The following FRMD6 variants were observed in gnomAD, a reference collection of about 807,000 sequenced individuals.
The protein encoded by FRMD6 is FERM domain-containing protein 6.
A neutral mutation model predicts 73.2 loss-of-function variants in FRMD6; 37 were observed. The ratio of observed to expected loss-of-function variants is 0.51; its 90% confidence interval spans 0.39 to 0.66. The LOEUF is 0.66. Ranked by LOEUF, FRMD6 falls within the 30% of genes least tolerant of loss-of-function variation. The pLI, the probability that FRMD6 is intolerant of heterozygous loss-of-function variation, is 0.00. For missense variants in FRMD6, 714 were observed against 780.5 expected, an observed-to-expected ratio of 0.91 and a Z score of 1.02; for synonymous variants, 273 against 282.2, an observed-to-expected ratio of 0.97 and a Z score of 0.33.
chr14:51,568,846 T>A lies in FRMD6; in HGVS notation c.-209-1502T>A, dbSNP rs961909392. Among the ~76,000 whole-genome samples the A allele has an allele frequency of 7.0e-5, 7 of 99,620 alleles. No homozygotes were observed. In the South Asian group the frequency reaches 2.1e-3, roughly 29 times the overall value. The allele number at this position is 99,620 out of a possible 152,430, so 65.4% of individuals were successfully genotyped here. ...ATAAAATATCCAGAAAGGCTTTTAC[T>A]TTTTTTTTTTTTTTTTGAGATGGAG... On this transcript the variant is annotated intron_variant, in intron 1 of 14. Coordinates refer to the FRMD6 transcript ENST00000356218.
the FRMD6 span, among the ~76,000 whole-genome samples, chr14:51,455,019 A>C: frequency 2.0e-5 from 3 of 152,214 alleles, no homozygotes; most frequent in African/African-American, 7.2e-5. Context: ...AGAATTTCCC[A>C]AACTGTGTTC....
chr14:51,525,501 T>G (rs1162242165), intron 1 of FRMD6, among the ~76,000 whole-genome samples: 1 of 151,900 alleles, frequency 6.6e-6, no homozygotes, highest in African/African-American at 2.4e-5. Flanking sequence ...TCTGCTGACC[T>G]TGTGATCCGC....
At chr14:51,474,454 G>A in the FRMD6 span, among the ~76,000 whole-genome samples, 1 of 152,200 alleles carries the variant, frequency 6.6e-6, no homozygotes, top group African/African-American at 2.4e-5. Context: ...CCTAGGCAGT[G>A]CATCTGAAAT....
chr14:51,644,736 C>G (rs1020624487), intron 2 of FRMD6, among the ~76,000 whole-genome samples: 2 of 152,184 alleles, frequency 1.3e-5, no homozygotes, highest in Admixed American at 1.3e-4. Flanking sequence ...CCAATATGGA[C>G]TATTTGCAGA....
the FRMD6 span, among the ~76,000 whole-genome samples, chr14:51,472,279 A>G: frequency 5.3e-5 from 8 of 151,888 alleles, no homozygotes; most frequent in East Asian, 1.9e-4. Context: ...CTCTGGCTCA[A>G]TTGCTGAAGG....
chr14:51,557,239 A>G (rs1887183816), intron 1 of FRMD6, among the ~76,000 whole-genome samples: 2 of 120,494 alleles, frequency 1.7e-5, no homozygotes, highest in African/African-American at 3.7e-5. Context: ...GGATGAGAAA[A>G]TGTGACATAT....
At position 51,568,878 on chromosome 14, in the gene FRMD6, C is replaced by T. The variant is rs562160873; in HGVS notation, c.-209-1470C>T. ...TTTTTTTTTTGAGATGGAGTTTTGC[C>T]CCTGTTGCCCAAACTGTAGTGCAAT... is the stretch of plus-strand genomic sequence containing the variant. On this transcript the variant is annotated intron_variant, in intron 1 of 14. Transcript: ENST00000356218. Among the ~76,000 whole-genome samples, 16 of 149,644 alleles carry T rather than the reference C, an allele frequency of 1.1e-4. No homozygotes were observed. In the South Asian group the frequency reaches 3.2e-3, roughly 30 times the overall value.
At chr14:51,446,413 C>T in the FRMD6 span, among the ~76,000 whole-genome samples, 1 of 138,242 alleles carries the variant, frequency 7.2e-6, no homozygotes, top group Non-Finnish European at 1.6e-5. Context: ...ATACATTGGC[C>T]CCAGAGGAGG....
chr14:51,708,382 T>C, intron 7 of FRMD6, 149 bp downstream of exon 7: 1 of 761,948 alleles, frequency 1.3e-6, no homozygotes, highest in Non-Finnish European at 2.0e-6. Flanking sequence ...TGCTTTTTGT[T>C]ATCGCACGTC....
At chr14:51,463,753 A>C in the FRMD6 span, among the ~76,000 whole-genome samples, 1 of 152,318 alleles carries the variant, frequency 6.6e-6, no homozygotes, top group South Asian at 2.1e-4. Context: ...ACTTACCCAC[A>C]ACAGTTTTTT....
chr14:51,562,994 G>A (rs1834467991), intron 1 of FRMD6, among the ~76,000 whole-genome samples: 1 of 152,210 alleles, frequency 6.6e-6, no homozygotes, highest in Admixed American at 6.5e-5. Context: ...ACTCAGGGCT[G>A]AAGTGATTTT....
intron 3 of FRMD6, among the ~76,000 whole-genome samples, chr14:51,698,651 A>G (rs183857121): frequency 7.0e-4 from 107 of 152,184 alleles, no homozygotes; most frequent in African/African-American, 2.4e-3. Flanking sequence ...GCTATTAACT[A>G]TATAGTATCA....
At chr14:51,681,827 A>G (rs1296292525) in intron 1 of FRMD6, among the ~76,000 whole-genome samples, 1 of 152,234 alleles carries the variant, frequency 6.6e-6, no homozygotes, top group Non-Finnish European at 1.5e-5. Flanking sequence ...AGCTATTTTT[A>G]CTAAAATTGC....
intron 1 of FRMD6, among the ~76,000 whole-genome samples, chr14:51,501,941 A>T (rs1883644220): frequency 6.6e-6 from 1 of 152,062 alleles, no homozygotes; most frequent in Non-Finnish European, 1.5e-5. Context: ...ATGGTATTTC[A>T]TTGTGGTTCT....
At chr14:51,509,697 G>C (rs1370586029) in intron 1 of FRMD6, among the ~76,000 whole-genome samples, 1 of 151,840 alleles carries the variant, frequency 6.6e-6, no homozygotes, top group South Asian at 2.1e-4. Context: ...TGCGATCTCG[G>C]CTCACTACAA....
At chr14:51,495,146 A>G (rs995642904) in intron 1 of FRMD6, among the ~76,000 whole-genome samples, 5 of 152,230 alleles carry the variant, frequency 3.3e-5, no homozygotes, top group Non-Finnish European at 5.9e-5. Flanking sequence ...ACAAAACACT[A>G]AGACAAAGAC....
the FRMD6 span, among the ~76,000 whole-genome samples, chr14:51,418,319 G>A: frequency 6.6e-6 from 1 of 152,170 alleles, no homozygotes; most frequent in African/African-American, 2.4e-5. Flanking sequence ...TGATGTTGGT[G>A]ACCATCATCA....
intron 1 of FRMD6, among the ~76,000 whole-genome samples, chr14:51,536,097 T>TAGAGAGAG (rs1190338688): frequency 7.4e-5 from 10 of 135,844 alleles, no homozygotes; most frequent in Admixed American, 3.0e-4. Context: ...TATATATATA[T>TAGAGAGAG]AGAGAGAGAG....
At chr14:51,545,261 C>T (rs1886406484) in intron 1 of FRMD6, among the ~76,000 whole-genome samples, 1 of 151,970 alleles carries the variant, frequency 6.6e-6, no homozygotes. Flanking sequence ...AACATTGAAG[C>T]ACTCTTTTTA....
Sources: allele counts gnomAD v4.1 joint callset (sites outside exome capture counted in the v4.1 genomes callset), GRCh38; gene constraint gnomAD v4.1.1; transcripts MANE v1.5; gene names NCBI Gene and HGNC (gene_info 2026-07-23, HGNC 2026-07-21).